DNAH3: variants seen among roughly 807,000 people sequenced by gnomAD.
The protein encoded by DNAH3 is axonemal beta dynein heavy chain 3.
A neutral mutation model predicts 432.5 loss-of-function variants in DNAH3; 332 were observed. That is an observed-to-expected ratio of 0.77 (90% confidence interval 0.70 to 0.84). The LOEUF is 0.84. Ranked by LOEUF, DNAH3 falls within the 40% of genes least tolerant of loss-of-function variation. The pLI, the probability that DNAH3 is intolerant of heterozygous loss-of-function variation, is 0.00. For synonymous variants in DNAH3, 1,956 were observed against 1,900.2 expected (o/e 1.03, Z -0.76); for missense variants, 4,861 against 5,114.0 (o/e 0.95, Z 1.51).
At chr16:21,148,542 C>T (rs923252109) in intron 1 of DNAH3, among the ~76,000 whole-genome samples, 1 of 151,736 alleles carries the variant, frequency 6.6e-6, no homozygotes, top group African/African-American at 2.4e-5. Context: ...CCCCTAGGTT[C>T]GAGCGATTCT....
At chr16:21,036,731 T>A (rs758031505) in exon 35 of DNAH3, 2 of 1,614,034 alleles carry the variant, frequency 1.2e-6, no homozygotes, top group Admixed American at 3.3e-5. Context: ...ATTTTCCCTA[T>A]AAACCAAGGT....
intron 18 of DNAH3, 62 bp from the exon 19 acceptor site, chr16:21,087,122 T>G (rs2091403987): frequency 7.3e-7 from 1 of 1,365,260 alleles, no homozygotes; most frequent in Non-Finnish European, 1.0e-6. Flanking sequence ...TGCGTACCTT[T>G]AATTCCCTGA....
In DNAH3 at chr16:21,111,652, C is replaced by T. The variant is rs141874161; in HGVS notation, c.2073G>A (p.Val691=). The T allele has an allele frequency of 1.3e-4, 209 of 1,613,178 alleles. No homozygotes were observed. The African/African-American group carries it at 2.5e-3, about 19-fold the overall frequency. The change falls in exon 14 of 62, where the codon GTG becomes GTA. Residue 691 remains valine, a synonymous_variant. Transcript: ENST00000261383. ...TGGTATTGGTGTCTCGGTTTACATC[C>T]ACTTGGAATTGAATCAGATGGTCTT...
rs1046108599 is a variant in DNAH3, at chr16:21,062,775, C to T, written c.3519-92G>A. ...CTTTCTGACAGGTAGTCCGCACCTA[C>T]GTGAATACCAGTTATGTCTTGCGGT... On this transcript the variant is annotated intron_variant, in intron 24 of 61. Coordinates refer to ENST00000261383, the Ensembl canonical transcript of DNAH3. 8.8e-6 allele frequency: 8 copies of T among 910,862 alleles called. No homozygotes were observed. In the Middle Eastern group the frequency reaches 7.0e-4, roughly 79 times the overall value. 56.4% of individuals were successfully genotyped at this position (910,862 alleles called of 1,614,324 possible).
intron 52 of DNAH3, among the ~76,000 whole-genome samples, chr16:20,969,345 T>C (rs775195136): frequency 1.3e-5 from 2 of 152,094 alleles, no homozygotes; most frequent in African/African-American, 4.8e-5. Flanking sequence ...TGGGTCTCCA[T>C]TTATTTTTCA....
chr16:21,017,619 C>G (rs192228341), intron 41 of DNAH3, among the ~76,000 whole-genome samples: 4 of 152,132 alleles, frequency 2.6e-5, no homozygotes, highest in African/African-American at 9.7e-5. Flanking sequence ...CCACCTTGGG[C>G]GCATGTTTGT....
chr16:20,998,193 T>G (rs1357263788), intron 43 of DNAH3, among the ~76,000 whole-genome samples: 1 of 152,210 alleles, frequency 6.6e-6, no homozygotes, highest in South Asian at 2.1e-4. Context: ...AGGTAATAGT[T>G]GAACTTCAAT....
chr16:21,024,504 G>T (rs330135), intron 39 of DNAH3, 92 bp downstream of exon 39: 5 of 866,444 alleles, frequency 5.8e-6, no homozygotes, highest in South Asian at 1.9e-5. Context: ...GTTGCCTCCA[G>T]GGACTATGAA....
intron 12 of DNAH3, among the ~76,000 whole-genome samples, chr16:21,113,997 T>G (rs371230772): frequency 6.6e-6 from 1 of 152,214 alleles, no homozygotes; most frequent in South Asian, 2.1e-4. Flanking sequence ...TATACACATA[T>G]ATGTATTTAT....
At chr16:21,095,106 A>T (rs1278268647) in intron 18 of DNAH3, among the ~76,000 whole-genome samples, 1 of 152,214 alleles carries the variant, frequency 6.6e-6, no homozygotes, top group Non-Finnish European at 1.5e-5. Context: ...ATTATCACAC[A>T]TTGGTGAGGG....
chr16:20,938,459 C>T (rs2083678231), intron 59 of DNAH3, among the ~76,000 whole-genome samples: 1 of 151,706 alleles, frequency 6.6e-6, no homozygotes, highest in African/African-American at 2.4e-5. Context: ...GTAAAAGCTG[C>T]CATCTGAGGG....
rs1046196158 is a variant in DNAH3 at position 21,117,075 on chromosome 16, G to T, written c.1814+128C>A. The T allele has an allele frequency of 6.3e-6, 4 of 630,314 alleles. No individual in the cohort carries two copies. The Admixed American group carries it at 1.3e-4, about 21-fold the overall frequency. The allele number at this position is 630,314 out of a possible 1,614,324, so 39.0% of individuals were successfully genotyped here. ...GGAATAAATAGTAATACTCATGTAAGTATTGGCTATTCTTACTATGTATGT... is the reference window on the plus strand; with the variant it reads ...GGAATAAATAGTAATACTCATGTAATTATTGGCTATTCTTACTATGTATGT... On this transcript the variant is annotated intron_variant, in intron 12 of 61. Transcript: ENST00000261383.
chr16:21,024,879 C>T (rs559508811), intron 38 of DNAH3, among the ~76,000 whole-genome samples, 178 bp from the exon 39 acceptor site: 2 of 152,292 alleles, frequency 1.3e-5, no homozygotes, highest in African/African-American at 4.8e-5. Flanking sequence ...CCCTTGATTT[C>T]TTTCCTTCAT....
intron 20 of DNAH3, among the ~76,000 whole-genome samples, chr16:21,078,144 G>A (rs113363205): frequency 0.13 from 19,498 of 151,710 alleles, 1,319 homozygotes; most frequent in East Asian, 0.17. Context: ...GCATGGTGGC[G>A]CACGCCTGTA....
At position 21,020,397 on chromosome 16, in the gene DNAH3, A is replaced by AT. The variant is rs56049638; in HGVS notation, c.5777-529dup. 6.5e-3 allele frequency among the ~76,000 whole-genome samples: 225 copies of AT among 34,594 alleles called. 17 individuals carry two copies. Among genetic ancestry groups the AT allele is most frequent in the East Asian group, 0.016 (9 of 578 alleles). 22.7% of individuals were successfully genotyped at this position (34,594 alleles called of 152,430 possible). On this transcript the variant is annotated intron_variant, in intron 40 of 61. Coordinates refer to ENST00000261383, the Ensembl canonical transcript of DNAH3. ...TCACTATATATATATATATATATAT[A>AT]TTTTTTTTTTTTTTTTTTTTTTTGA...
chr16:21,104,375 G>A lies in DNAH3; in HGVS notation c.2366+96C>T. 3 of 1,055,462 alleles carry A rather than the reference G, an allele frequency of 2.8e-6. No homozygotes were observed. In the East Asian group the frequency reaches 7.2e-5, roughly 25 times the overall value. 65.4% of individuals were successfully genotyped at this position (1,055,462 alleles called of 1,614,324 possible). On this transcript the variant is annotated intron_variant, in intron 16 of 61. Coordinates refer to ENST00000261383, the Ensembl canonical transcript of DNAH3. ...GACTTCGCCCACACGTTGCCATGGA[G>A]TGAGCTGGGGGATGGCTTAGACAGA...
chr16:21,012,889 G>C (rs1193275460), intron 41 of DNAH3, among the ~76,000 whole-genome samples: 1 of 152,092 alleles, frequency 6.6e-6, no homozygotes, highest in East Asian at 1.9e-4. Context: ...AGCCTCCTGA[G>C]TAGGTGGGAC....
chr16:21,122,277 G>A (rs2092359664), intron 9 of DNAH3, among the ~76,000 whole-genome samples, 153 bp from the exon 11 acceptor site: 1 of 152,070 alleles, frequency 6.6e-6, no homozygotes, highest in Non-Finnish European at 1.5e-5. Flanking sequence ...GGCTGGGGCT[G>A]GGCACCGTGG....
intron 61 of DNAH3, among the ~76,000 whole-genome samples, chr16:20,934,523 G>A (rs1243822524): frequency 1.3e-5 from 2 of 152,154 alleles, no homozygotes; most frequent in African/African-American, 2.4e-5. Context: ...AAAGTGTTGA[G>A]TATCTTATGT....
Sources: allele counts gnomAD v4.1 joint callset (sites outside exome capture counted in the v4.1 genomes callset), GRCh38; gene constraint gnomAD v4.1.1; transcripts MANE v1.5; gene names NCBI Gene and HGNC (gene_info 2026-07-23, HGNC 2026-07-21).